The following XKR6 variants were observed in gnomAD, a reference collection of about 807,000 sequenced individuals.
XKR6 encodes the protein XK related 6.
Under a neutral mutation model 56.7 loss-of-function variants are expected in XKR6, and 22 were observed. The observed-to-expected ratio is 0.39, with a 90% CI of 0.28 to 0.55. XKR6 has a LOEUF of 0.55. XKR6 is among the 20% of genes least tolerant of loss of function. XKR6 has a pLI of 0.66. For synonymous variants in XKR6, 524 were observed against 387.8 expected, an observed-to-expected ratio of 1.35 and a Z score of -4.13; for missense variants, 852 against 889.0, an observed-to-expected ratio of 0.96 and a Z score of 0.53.
intron 1 of XKR6, chr8:11,107,898 C>G (rs1798739216): frequency 4.4e-6 from 1 of 227,212 alleles, no homozygotes; most frequent in Non-Finnish European, 8.6e-6. Context: ...GTCTCATGTA[C>G]AAAGAGCAAT....
intron 1 of XKR6, among the ~76,000 whole-genome samples, chr8:11,173,247 G>A (rs894305085): frequency 6.6e-6 from 1 of 151,662 alleles, no homozygotes; most frequent in African/African-American, 2.4e-5. Context: ...AGGAGGCTGA[G>A]GCAGGAGAAT....
At chr8:11,107,034 A>C (rs1798704872) in intron 1 of XKR6, among the ~76,000 whole-genome samples, 1 of 151,968 alleles carries the variant, frequency 6.6e-6, no homozygotes, top group Non-Finnish European at 1.5e-5. Context: ...TCCCCAGAGC[A>C]AAACATGACA....
intron 1 of XKR6, among the ~76,000 whole-genome samples, chr8:10,991,049 A>G (rs368992946): frequency 5.9e-5 from 9 of 151,732 alleles, no homozygotes; most frequent in East Asian, 1.9e-4. Context: ...GATTACAGGC[A>G]CCCACCAACA....
chr8:11,184,905 A>G (rs902958054), intron 1 of XKR6, among the ~76,000 whole-genome samples: 54 of 152,328 alleles, frequency 3.5e-4, no homozygotes, highest in African/African-American at 1.2e-3. Flanking sequence ...AGAATTCCAT[A>G]TATTTTAGTA....
chr8:10,967,097 T>C (rs1802248374), intron 1 of XKR6, among the ~76,000 whole-genome samples: 1 of 152,112 alleles, frequency 6.6e-6, no homozygotes, highest in South Asian at 2.1e-4. Flanking sequence ...TCCAACAAGA[T>C]CCCTGCGTCA....
chr8:10,951,600 C>T (rs971611518), intron 1 of XKR6, among the ~76,000 whole-genome samples: 2 of 152,222 alleles, frequency 1.3e-5, no homozygotes, highest in African/African-American at 4.8e-5. Context: ...AGGGTCTTCA[C>T]CTGCAGAATG....
At chr8:11,151,951 T>C (rs1022447494) in intron 1 of XKR6, among the ~76,000 whole-genome samples, 22 of 152,146 alleles carry the variant, frequency 1.4e-4, no homozygotes, top group Admixed American at 1.4e-3. Flanking sequence ...CAAAAGGATA[T>C]TAAACTGAAG....
At chr8:10,924,580 G>A (rs560132179) in intron 2 of XKR6, 54 bp downstream of exon 2, 5 of 1,558,958 alleles carry the variant, frequency 3.2e-6, no homozygotes, top group Non-Finnish European at 4.3e-6. Flanking sequence ...GGCGGCCGTG[G>A]TCCCCAGGTG....
At chr8:11,100,450 C>T (rs78994189) in intron 1 of XKR6, among the ~76,000 whole-genome samples, 2,406 of 152,336 alleles carry the variant, frequency 0.016, 59 homozygotes, top group African/African-American at 0.054. Context: ...TTGTGTTCCA[C>T]TCATTGTGTT....
At chr8:11,174,305 C>T (rs1476090432) in intron 1 of XKR6, among the ~76,000 whole-genome samples, 1 of 152,222 alleles carries the variant, frequency 6.6e-6, no homozygotes, top group Admixed American at 6.5e-5. Context: ...GCAAGCGACA[C>T]TGCAACAAAA....
intron 1 of XKR6, among the ~76,000 whole-genome samples, chr8:11,192,120 C>T (rs1283639139): frequency 6.6e-6 from 1 of 152,138 alleles, no homozygotes; most frequent in African/African-American, 2.4e-5. Flanking sequence ...GAGTTCAAAA[C>T]CAGCCTGGGC....
At chr8:11,177,458 CT>C (rs1236637674) in intron 1 of XKR6, among the ~76,000 whole-genome samples, 1 of 152,200 alleles carries the variant, frequency 6.6e-6, no homozygotes, top group Non-Finnish European at 1.5e-5. Flanking sequence ...GGGCTCAATT[CT>C]CCCTCCCAAA....
chr8:11,116,751 A>G (rs962325813), intron 1 of XKR6, among the ~76,000 whole-genome samples: 4 of 151,968 alleles, frequency 2.6e-5, no homozygotes, highest in Non-Finnish European at 5.9e-5. Context: ...TCCCCCTTAC[A>G]TCTCACAACC....
chr8:10,900,112 C>T (rs898274779), intron 2 of XKR6, among the ~76,000 whole-genome samples: 5 of 152,202 alleles, frequency 3.3e-5, no homozygotes, highest in Non-Finnish European at 5.9e-5. Flanking sequence ...AACAGGAGGC[C>T]GAATGCTGTC....
intron 1 of XKR6, among the ~76,000 whole-genome samples, chr8:11,065,177 C>T (rs1182316027): frequency 6.6e-6 from 1 of 152,180 alleles, no homozygotes; most frequent in Non-Finnish European, 1.5e-5. Flanking sequence ...CAATGGAGTA[C>T]ATACTTTAGC....
rs61745501 is a variant in XKR6, at chr8:10,898,288, C to A, written c.1590G>T (p.Ala530=). Residue 530 remains alanine, a synonymous_variant, in exon 3 of 3, where the codon GCG becomes GCT. Coordinates refer to ENST00000416569, the MANE Select transcript of XKR6 (RefSeq NM_173683.4). The surrounding 1 kb of genome is among the most constrained non-coding windows in gnomAD (Gnocchi z 6.6). ...IPLPPDVEPM[A]PEIPGYRGTQ... The stretch of plus-strand genomic sequence containing the variant: ...TCCCCCGGTACCCAGGGATCTCAGG[C>A]GCCATGGGCTCAACATCGGGGGGCA... 1 of 1,614,054 alleles carries A rather than the reference C, an allele frequency of 6.2e-7. No individual in the cohort carries two copies. Among genetic ancestry groups the A allele is most frequent in the South Asian group, 1.1e-5 (1 of 91,070 alleles).
intron 1 of XKR6, among the ~76,000 whole-genome samples, chr8:11,005,031 C>G (rs146781661): frequency 5.3e-5 from 8 of 152,250 alleles, no homozygotes; most frequent in Admixed American, 3.9e-4. Context: ...GGTACAGTCC[C>G]TCTGCAACCT....
intron 1 of XKR6, among the ~76,000 whole-genome samples, chr8:11,101,038 A>T (rs933622475): frequency 3.9e-5 from 6 of 152,164 alleles, no homozygotes; most frequent in African/African-American, 1.4e-4. Flanking sequence ...CGGACGAAAG[A>T]GGCTGTCGCT....
At chr8:11,094,949 T>C (rs1053963185) in intron 1 of XKR6, among the ~76,000 whole-genome samples, 1 of 152,132 alleles carries the variant, frequency 6.6e-6, no homozygotes, top group Non-Finnish European at 1.5e-5. Context: ...AATACCTGGG[T>C]GATGGGATGC....
Sources: gnomAD v4.1 joint callset for allele counts (sites outside exome capture counted in the v4.1 genomes callset) on GRCh38, gnomAD v4.1.1 for gene constraint, Gnocchi (gnomAD v3.1) non-coding constraint, MANE v1.5 for transcripts, NCBI Gene and HGNC (gene_info 2026-07-23, HGNC 2026-07-21) for gene names.